CSMD1: variants seen among roughly 807,000 people sequenced by gnomAD.
The protein encoded by CSMD1 is CUB and sushi domain-containing protein 1.
Under a neutral mutation model 417.5 loss-of-function variants are expected in CSMD1, and 213 were observed. The observed-to-expected ratio is 0.51, with a 90% CI of 0.46 to 0.57. The LOEUF is 0.57. Ranked by LOEUF, CSMD1 falls within the 20% of genes least tolerant of loss-of-function variation. The probability of loss-of-function intolerance (pLI) is 0.00; values close to 1 mark genes in which losing one functional copy is unlikely to be tolerated. For missense variants in CSMD1, 6,923 were observed against 4,529.7 expected (o/e 1.53, Z -15.17); for synonymous variants, 2,862 against 1,736.8 (o/e 1.65, Z -16.11).
intron 25 of CSMD1, among the ~76,000 whole-genome samples, chr8:3,297,375 A>G (rs1367314244): frequency 6.6e-6 from 1 of 152,230 alleles, no homozygotes; most frequent in Non-Finnish European, 1.5e-5. Context: ...ACAGTGATCT[A>G]TATGAAGAAG....
intron 1 of CSMD1, among the ~76,000 whole-genome samples, chr8:4,940,702 T>C (rs1225673270): frequency 6.6e-6 from 1 of 152,170 alleles, no homozygotes. Flanking sequence ...AATCAACCAA[T>C]TAAAATATGC....
At chr8:4,615,255 C>T (rs907651339) in intron 2 of CSMD1, among the ~76,000 whole-genome samples, 12 of 152,134 alleles carry the variant, frequency 7.9e-5, no homozygotes, top group African/African-American at 2.7e-4. Flanking sequence ...CTGCATAGAA[C>T]GTGGAGAGCT....
intron 1 of CSMD1, among the ~76,000 whole-genome samples, chr8:4,660,006 C>A (rs897293405): frequency 6.7e-6 from 1 of 150,104 alleles, no homozygotes; most frequent in Admixed American, 6.7e-5. Flanking sequence ...CAACTTGTAA[C>A]TATAATTATA....
In CSMD1 at chr8:4,708,630, T is replaced by C. The variant is rs1019915146; in HGVS notation, c.86-71072A>G. Among the ~76,000 whole-genome samples, 7 of 152,158 alleles carry C rather than the reference T, an allele frequency of 4.6e-5. No individual in the cohort carries two copies. In the South Asian group the frequency reaches 1.0e-3, roughly 22 times the overall value. On this transcript the variant is annotated intron_variant, in intron 1 of 69. Transcript: ENST00000635120. ...AGAGTTCATTGAATGGTTAAATTTCTAGTGTTTTCTGTCATCATTATAGAC... is the reference window on the plus strand; with the variant it reads ...AGAGTTCATTGAATGGTTAAATTTCCAGTGTTTTCTGTCATCATTATAGAC...
chr8:3,247,730 G>A (rs1445139311), intron 26 of CSMD1, among the ~76,000 whole-genome samples: 1 of 152,112 alleles, frequency 6.6e-6, no homozygotes. Flanking sequence ...ACATGTGCAG[G>A]CACAGAATGA....
At chr8:4,451,645 G>C (rs773949595) in intron 2 of CSMD1, among the ~76,000 whole-genome samples, 14 of 152,056 alleles carry the variant, frequency 9.2e-5, no homozygotes, top group Non-Finnish European at 1.8e-4. Context: ...GGTAATGTTA[G>C]GATACATTCC....
intron 12 of CSMD1, among the ~76,000 whole-genome samples, chr8:3,410,772 T>C (rs1192755121): frequency 6.6e-6 from 1 of 152,180 alleles, no homozygotes; most frequent in African/African-American, 2.4e-5. Flanking sequence ...AGGATCTCAC[T>C]CTGTTGTCCA....
chr8:3,383,303 T>C (rs995522446), intron 18 of CSMD1, among the ~76,000 whole-genome samples: 4 of 152,226 alleles, frequency 2.6e-5, no homozygotes, highest in African/African-American at 4.8e-5. Context: ...GCTGTTAAAA[T>C]GTTTAAAGTT....
chr8:3,891,793 G>C (rs558287168), intron 5 of CSMD1, among the ~76,000 whole-genome samples: 4 of 152,046 alleles, frequency 2.6e-5, no homozygotes, highest in Admixed American at 6.5e-5. Context: ...ATGTGATTTA[G>C]GCACATCAAT....
At chr8:3,590,462 G>C (rs374685661) in intron 8 of CSMD1, among the ~76,000 whole-genome samples, 1 of 152,116 alleles carries the variant, frequency 6.6e-6, no homozygotes, top group South Asian at 2.1e-4. Flanking sequence ...TCAAAGACTA[G>C]TTCAGTGGAG....
At chr8:3,240,677 G>A (rs1297814164) in intron 26 of CSMD1, among the ~76,000 whole-genome samples, 1 of 152,054 alleles carries the variant, frequency 6.6e-6, no homozygotes, top group African/African-American at 2.4e-5. Flanking sequence ...AGGCGCAAAG[G>A]AATAGTAAAG....
chr8:3,212,636 G>C (rs1453466984), intron 30 of CSMD1, among the ~76,000 whole-genome samples: 1 of 152,074 alleles, frequency 6.6e-6, no homozygotes, highest in South Asian at 2.1e-4. Flanking sequence ...TTACAGGTGT[G>C]AGCCACTACA....
intron 1 of CSMD1, among the ~76,000 whole-genome samples, chr8:4,940,969 A>AT (rs1285196199): frequency 8.1e-4 from 124 of 152,268 alleles, no homozygotes; most frequent in African/African-American, 2.9e-3. Flanking sequence ...TGGATTTTTC[A>AT]AATGTATTTT....
At chr8:4,420,554 G>T (rs145910733) in intron 2 of CSMD1, among the ~76,000 whole-genome samples, 1 of 152,030 alleles carries the variant, frequency 6.6e-6, no homozygotes, top group East Asian at 1.9e-4. Flanking sequence ...TAAAAAATAT[G>T]ACAGGTAAAG....
chr8:3,113,927 A>G (rs760341581), intron 42 of CSMD1, among the ~76,000 whole-genome samples: 3 of 152,168 alleles, frequency 2.0e-5, no homozygotes, highest in Non-Finnish European at 2.9e-5. Context: ...TCAAATTAAA[A>G]TTAAAACAGG....
At chr8:4,034,005 C>T (rs1001300200) in intron 3 of CSMD1, among the ~76,000 whole-genome samples, 4 of 152,176 alleles carry the variant, frequency 2.6e-5, no homozygotes, top group African/African-American at 7.2e-5. Context: ...GAAATACAAA[C>T]ACTTCCAAAT....
chr8:3,722,804 G>A (rs1802264560), intron 6 of CSMD1, among the ~76,000 whole-genome samples: 1 of 152,204 alleles, frequency 6.6e-6, no homozygotes, highest in Non-Finnish European at 1.5e-5. Context: ...TGTGTAACAA[G>A]GAACGATGCT....
chr8:4,475,691 A>G (rs1800764293), intron 2 of CSMD1, among the ~76,000 whole-genome samples: 1 of 27,552 alleles, frequency 3.6e-5, no homozygotes, highest in African/African-American at 1.3e-4. Context: ...ATCTCAGCTC[A>G]CTGCAGCTGC....
intron 1 of CSMD1, among the ~76,000 whole-genome samples, chr8:4,968,872 A>G (rs746029714): frequency 6.6e-6 from 1 of 152,184 alleles, no homozygotes; most frequent in Non-Finnish European, 1.5e-5. Context: ...TGCTACACAC[A>G]AAGCATCAGT....
Sources: allele counts gnomAD v4.1 joint callset (sites outside exome capture counted in the v4.1 genomes callset), GRCh38; gene constraint gnomAD v4.1.1; transcripts MANE v1.5; gene names NCBI Gene and HGNC (gene_info 2026-07-23, HGNC 2026-07-21).